The following CDC42BPG variants were observed in gnomAD, a reference collection of about 807,000 sequenced individuals.
The protein encoded by CDC42BPG is CDC42 binding protein kinase gamma.
In CDC42BPG, 157 loss-of-function variants were observed where a neutral mutation model predicts 192.2. That is an observed-to-expected ratio of 0.82 (90% CI 0.72 to 0.93). The LOEUF (loss-of-function observed/expected upper bound fraction) is 0.93, where lower values mean the gene tolerates loss of function less well. Ranked by LOEUF, CDC42BPG falls within the 40% of genes least tolerant of loss-of-function variation. The pLI, the probability that CDC42BPG is intolerant of heterozygous loss-of-function variation, is 0.00. For missense variants in CDC42BPG, 1,992 were observed against 2,122.1 expected, an observed-to-expected ratio of 0.94 and a Z score of 1.20; for synonymous variants, 981 against 918.5, an observed-to-expected ratio of 1.07 and a Z score of -1.23.
chr11:64,830,095 G>A (rs1010253862), intron 29 of CDC42BPG, 25 bp from the exon 30 acceptor site: 27 of 1,612,386 alleles, frequency 1.7e-5, no homozygotes, highest in Non-Finnish European at 2.3e-5. Flanking sequence ...AGGGGAGAGT[G>A]TCACTGGCAG....
Position 64,830,371 on chromosome 11 carries a change from A to G in CDC42BPG, c.3305-115T>C, listed in dbSNP as rs1040259261. On this transcript the variant is annotated intron_variant, in intron 28 of 36. Transcript: ENST00000342711. The stretch of plus-strand genomic sequence containing the variant: ...ATCTTGAGGAAATGGGGGTGGCAAT[A>G]ATCCCGCTGTCCCTGCCTCACTGAC... 1.0e-4 allele frequency: 92 copies of G among 888,620 alleles called. 5 individuals carry two copies. The highest frequency in any genetic ancestry group is 1.8e-6 in the Non-Finnish European group (1 of 552,576). The allele number at this position is 888,620 out of a possible 1,614,324, so 55.0% of individuals were successfully genotyped here.
intron 15 of CDC42BPG, 32 bp from the exon 16 acceptor site, chr11:64,835,451 C>A: frequency 6.2e-7 from 1 of 1,612,322 alleles, no homozygotes; most frequent in Non-Finnish European, 8.5e-7. Context: ...CCGTGACTCA[C>A]CGCCCAGGCC....
rs1269677387 is a variant in CDC42BPG at position 64,839,148 on chromosome 11, C to G, written c.761G>C (p.Gly254Ala). The change falls in exon 7 of 37, where the codon GGC becomes GCC. Residue 254 changes from glycine to alanine, a missense_variant. Physicochemically the swap from Gly to Ala is moderately conservative, Grantham distance 60. Around this residue, in one of 2 missense-constraint regions of CDC42BPG, gnomAD observed 1,656 missense variants for 1,844.3 expected, o/e 0.90. Coordinates refer to ENST00000342711, the MANE Select transcript of CDC42BPG (RefSeq NM_017525.3). The stretch of plus-strand genomic sequence containing the variant: ...AAGCGACCACCAGTCACACTGTGGG[C>G]CGTAGTGGCCCTTGCCCTCCTCCAT... ...QAMEEGKGHYGPQCDWWSLGV... is the reference protein window; with the variant it reads ...QAMEEGKGHYAPQCDWWSLGV... 2.5e-6 allele frequency: 4 copies of G among 1,613,424 alleles called. No homozygotes were observed. In the African/African-American group the frequency reaches 5.3e-5, roughly 22 times the overall value.
chr11:64,844,521 C>G lies in CDC42BPG; in HGVS notation c.49G>C (p.Gly17Arg). The G allele has an allele frequency of 7.6e-7, 1 of 1,317,434 alleles. No individual in the cohort carries two copies. The highest frequency in any genetic ancestry group is 9.7e-7 in the Non-Finnish European group (1 of 1,034,232). The allele number at this position is 1,317,434 out of a possible 1,614,324, so 81.6% of individuals were successfully genotyped here. ...ALEQLARGEA[G>R]GCPGLDGLLD... ...AGGCCGTCGAGCCCCGGGCAGCCGC[C>G]GGCCTCGCCCCGCGCCAGCTGCTCC... The change falls in exon 1 of 37, where the codon GGC (glycine) becomes CGC (arginine). Residue 17 changes from glycine to arginine, a missense_variant. Transcript: ENST00000342711.
chr11:64,834,995 G>A, intron 17 of CDC42BPG, 32 bp from the exon 18 acceptor site: 1 of 1,612,780 alleles, frequency 6.2e-7, no homozygotes, highest in Middle Eastern at 1.7e-4. Context: ...GTCATGGGCT[G>A]GGCCCTCAGT....
rs772714446 is a variant in CDC42BPG, at chr11:64,827,418, C to G, written c.4151-20G>C. On this transcript the variant is annotated intron_variant, in intron 32 of 36. Coordinates refer to ENST00000342711, the MANE Select transcript of CDC42BPG (RefSeq NM_017525.3). ...CCTTCTCTGTGGGAGAAGTGGAGAG[C>G]TGGGCTGTGCTCACACATTCCCGGG... 3.7e-6 allele frequency: 6 copies of G among 1,611,458 alleles called. No individual in the cohort carries two copies. The highest frequency in any genetic ancestry group is 5.1e-6 in the Non-Finnish European group (6 of 1,177,752).
At chr11:64,835,677 C>G in intron 14 of CDC42BPG, 56 bp from the exon 15 acceptor site, 4 of 1,591,956 alleles carry the variant, frequency 2.5e-6, no homozygotes, top group South Asian at 2.3e-5. Context: ...GCCCACCCAC[C>G]TGGGACACAG....
chr11:64,833,927 C>T lies in CDC42BPG; in HGVS notation c.2464G>A (p.Glu822Lys). ...AAGCCCCTTGGCCTGGTCCTTACCT[C>T]TGAGCTCCGGAAGGACAGGAAGGGA... Reference protein sequence around the residue: ...LIPFLSFRSSEKDSAKDPGIS... With the variant: ...LIPFLSFRSSKKDSAKDPGIS... Residue 822 changes from glutamate to lysine, a missense_variant and splice_region_variant, in exon 21 of 37, where the codon GAG becomes AAG. Glu to Lys is a moderately conservative substitution (Grantham distance 56, BLOSUM62 1). Around this residue, in one of 2 missense-constraint regions of CDC42BPG, gnomAD observed 1,656 missense variants for 1,844.3 expected, o/e 0.90. Coordinates refer to ENST00000342711, the MANE Select transcript of CDC42BPG (RefSeq NM_017525.3). The T allele has an allele frequency of 6.2e-7, 1 of 1,614,234 alleles. No homozygotes were observed. The highest frequency in any genetic ancestry group is 8.5e-7 in the Non-Finnish European group (1 of 1,180,042).
intron 1 of CDC42BPG, among the ~76,000 whole-genome samples, chr11:64,842,353 G>A (rs2136419583): frequency 6.6e-6 from 1 of 152,304 alleles, no homozygotes. Flanking sequence ...TATCCCCAGA[G>A]AGGCTTCTCT....
At chr11:64,842,102 C>T (rs1014672339) in intron 1 of CDC42BPG, among the ~76,000 whole-genome samples, 198 bp from the exon 2 acceptor site, 5 of 152,172 alleles carry the variant, frequency 3.3e-5, no homozygotes, top group African/African-American at 7.2e-5. Context: ...GGTCAGAGGC[C>T]GGGCTCAGCT....
At chr11:64,844,322 C>A in intron 1 of CDC42BPG, 88 bp downstream of exon 1, 1 of 1,208,220 alleles carries the variant, frequency 8.3e-7, no homozygotes, top group Non-Finnish European at 1.1e-6. Flanking sequence ...CGTGGGGGTG[C>A]GGGTCCCTGC....
Position 64,835,075 on chromosome 11 carries a change from C to T in CDC42BPG, c.2032G>A (p.Glu678Lys). The T allele has an allele frequency of 6.2e-7, 1 of 1,602,394 alleles. No individual in the cohort carries two copies. The highest frequency in any genetic ancestry group is 1.1e-5 in the South Asian group (1 of 91,018). ...GERRETESNW[E>K]AQLADILSWV... ...CTGAGGATGTCGGCGAGCTGGGCCT[C>T]CCAGTTGCTCTCCGTCTCCCGCCGC... Residue 678 changes from glutamate to lysine, a missense_variant, in exon 17 of 37, where the codon GAG becomes AAG. Physicochemically the swap from Glu to Lys is moderately conservative, Grantham distance 56. Transcript: ENST00000342711.
At chr11:64,841,944 A>C in intron 1 of CDC42BPG, 40 bp from the exon 2 acceptor site, 1 of 1,481,586 alleles carries the variant, frequency 6.7e-7, no homozygotes, top group Non-Finnish European at 9.3e-7. Context: ...GCAGGGAGGG[A>C]GGGCTCCATT....
chr11:64,841,583 T>A, intron 3 of CDC42BPG, 67 bp downstream of exon 3: 30 of 895,110 alleles, frequency 3.4e-5, no homozygotes, highest in Non-Finnish European at 4.3e-5. Flanking sequence ...CCATAGGCCC[T>A]GGCAGCATAC....
At chr11:64,833,357 T>TG (rs771670803) in intron 23 of CDC42BPG, 21 bp from the exon 24 acceptor site, 1,242 of 1,303,570 alleles carry the variant, frequency 9.5e-4, no homozygotes, top group Non-Finnish European at 1.2e-3. Context: ...GGACAGCCAT[T>TG]ACCCAAGGCC....
intron 34 of CDC42BPG, 113 bp from the exon 35 acceptor site, chr11:64,826,907 A>G: frequency 7.8e-7 from 1 of 1,279,806 alleles, no homozygotes; most frequent in Non-Finnish European, 1.1e-6. Flanking sequence ...GCCTGGTTTT[A>G]CTTAAGTCCC....
chr11:64,841,738 G>A lies in CDC42BPG; in HGVS notation c.253-5C>T. On this transcript the variant is annotated splice_region_variant and splice_polypyrimidine_tract_variant and intron_variant, in intron 2 of 36. Transcript: ENST00000342711. ...CCTCTGCCTCACCACGGTGACCTAA[G>A]GCCACAGGGAGGACCGGGGTGAGCC... 6.2e-7 allele frequency: 1 copy of A among 1,613,930 alleles called. No homozygotes were observed. The highest frequency in any genetic ancestry group is 8.5e-7 in the Non-Finnish European group (1 of 1,179,988).
intron 9 of CDC42BPG, among the ~76,000 whole-genome samples, 195 bp downstream of exon 9, chr11:64,837,888 G>C (rs71528525): frequency 0.013 from 2,024 of 152,336 alleles, 30 homozygotes; most frequent in South Asian, 0.026. Flanking sequence ...AGAGCCATGT[G>C]CTGGCATGTG....
At position 64,839,505 on chromosome 11, in the gene CDC42BPG, G is replaced by A. The variant is rs1336692743; in HGVS notation, c.648C>T (p.Ser216=). Residue 216 remains serine, a synonymous_variant, in exon 6 of 37, where the codon TCC becomes TCT. Transcript: ENST00000342711. ...TGCCGTTGGTGTTGAGACGCAGGCAGGAGCCGAAGTCAGCCAGGCGAATGT... is the reference window on the plus strand; with the variant it reads ...TGCCGTTGGTGTTGAGACGCAGGCAAGAGCCGAAGTCAGCCAGGCGAATGT... The part of the protein sequence containing the change: ...NGHIRLADFG[S]CLRLNTNGMV... The A allele has an allele frequency of 3.7e-6, 6 of 1,613,152 alleles. No individual in the cohort carries two copies. In the African/African-American group the frequency reaches 4.0e-5, roughly 11 times the overall value.
Sources: allele counts gnomAD v4.1 joint callset (sites outside exome capture counted in the v4.1 genomes callset), GRCh38; gene constraint gnomAD v4.1.1; regional missense constraint gnomAD v4.1.1; transcripts MANE v1.5; gene names NCBI Gene and HGNC (gene_info 2026-07-23, HGNC 2026-07-21).